The following COL4A6 variants were observed in gnomAD, a reference collection of about 807,000 sequenced individuals.
COL4A6 encodes the protein collagen alpha-6(IV) chain.
In COL4A6, 59 loss-of-function variants were observed where a neutral mutation model predicts 126.7. The observed-to-expected ratio is 0.47, with a 90% CI of 0.38 to 0.58. COL4A6 has a LOEUF of 0.58. COL4A6 is among the 20% of genes least tolerant of loss of function. The probability of loss-of-function intolerance (pLI) is 0.00; values close to 1 mark genes in which losing one functional copy is unlikely to be tolerated. For missense variants in COL4A6, 1,285 were observed against 1,337.3 expected (o/e 0.96, Z 0.61); for synonymous variants, 547 against 496.6 (o/e 1.10, Z -1.35).
In COL4A6 at chrX:108,188,522, C is replaced by G; in HGVS notation, c.1582G>C (p.Ala528Pro). Residue 528 changes from alanine (A) to proline (P), a missense_variant, in exon 21 of 45, where the codon GCT becomes CCT. Coordinates refer to ENST00000334504, the MANE Select transcript of COL4A6 (RefSeq NM_033641.4). Reference protein sequence around the residue: ...GSGGAQGPAGAPGLVGPLGPS... With the variant: ...GSGGAQGPAGPPGLVGPLGPS... ...CAAAGTTTGGCAAGACTTACTGGAG[C>G]CCCTGCTGGGCCCTGTGCACCCCCA... 1.8e-6 allele frequency: 2 copies of G among 1,109,652 alleles called. No homozygotes were observed. Among genetic ancestry groups the G allele is most frequent in the Non-Finnish European group, 2.4e-6 (2 of 845,153 alleles). 91.4% of individuals were successfully genotyped at this position (1,109,652 alleles called of 1,213,427 possible).
At chrX:108,336,491 G>C (rs2039434808) in intron 2 of COL4A6, among the ~76,000 whole-genome samples, 1 of 111,402 alleles carries the variant, frequency 9.0e-6, no homozygotes, top group South Asian at 3.8e-4. Flanking sequence ...AGAGGTTAAT[G>C]AGGAGTAGTT....
intron 2 of COL4A6, among the ~76,000 whole-genome samples, chrX:108,411,135 T>C (rs1020245736): frequency 2.7e-5 from 3 of 112,135 alleles, no homozygotes; most frequent in African/African-American, 9.7e-5. Context: ...ATAAAAAAGA[T>C]AGGATCAGAG....
chrX:108,309,685 G>C lies in COL4A6; in HGVS notation c.144+1063C>G, dbSNP rs1048966889. Among the ~76,000 whole-genome samples, 11 of 110,428 alleles carry C rather than the reference G, an allele frequency of 1.0e-4. No individual in the cohort carries two copies. In the Admixed American group the frequency reaches 1.1e-3, roughly 11 times the overall value. ...TGAAAGTTTGGTTGACCTATTTATA[G>C]TACTACTTTATTTTGACAGTATAAG... On this transcript the variant is annotated intron_variant, in intron 3 of 44. Transcript: ENST00000334504.
chrX:108,251,422 C>T (rs2036848358), intron 3 of COL4A6, among the ~76,000 whole-genome samples: 1 of 111,582 alleles, frequency 9.0e-6, no homozygotes, highest in Non-Finnish European at 1.9e-5. Context: ...CTCTCTCTCT[C>T]ATGTCTCTGC....
chrX:108,356,281 G>A (rs1434927976), intron 2 of COL4A6, among the ~76,000 whole-genome samples: 1 of 109,340 alleles, frequency 9.1e-6, no homozygotes, highest in Non-Finnish European at 1.9e-5. Context: ...GTATACATAT[G>A]TAACTAACCT....
intron 2 of COL4A6, among the ~76,000 whole-genome samples, chrX:108,390,635 T>C (rs1272740221): frequency 9.1e-6 from 1 of 110,124 alleles, no homozygotes; most frequent in Non-Finnish European, 1.9e-5. Flanking sequence ...TTGTCTAACC[T>C]TTTTTCAAGG....
chrX:108,184,067 C>T (rs768682813), intron 23 of COL4A6, among the ~76,000 whole-genome samples: 3 of 112,118 alleles, frequency 2.7e-5, no homozygotes, highest in South Asian at 7.5e-4. Context: ...CTGATGATTG[C>T]ATCCTCTTTC....
chrX:108,259,094 C>T (rs1427910221), intron 3 of COL4A6, among the ~76,000 whole-genome samples: 4 of 111,536 alleles, frequency 3.6e-5, no homozygotes, highest in Non-Finnish European at 7.6e-5. Context: ...TTAACAGAGG[C>T]AAACATCCAG....
At chrX:108,275,289 C>T (rs1179927488) in intron 3 of COL4A6, among the ~76,000 whole-genome samples, 1 of 111,952 alleles carries the variant, frequency 8.9e-6, no homozygotes, top group African/African-American at 3.2e-5. Context: ...AACAGTTTCT[C>T]CATAAGATAC....
intron 2 of COL4A6, among the ~76,000 whole-genome samples, chrX:108,371,453 T>C (rs1354146245): frequency 9.1e-6 from 1 of 109,615 alleles, no homozygotes; most frequent in Non-Finnish European, 1.9e-5. Flanking sequence ...CTTATATATG[T>C]ATTGTAGCTT....
intron 2 of COL4A6, among the ~76,000 whole-genome samples, chrX:108,333,981 C>G (rs956388242): frequency 9.0e-6 from 1 of 111,235 alleles, no homozygotes. Context: ...CCAAAGCAAT[C>G]TACAAATTCA....
chrX:108,163,042 T>G lies in COL4A6; in HGVS notation c.4070-4A>C. The G allele has an allele frequency of 8.4e-7, 1 of 1,187,127 alleles. No individual in the cohort carries two copies. The highest frequency in any genetic ancestry group is 3.1e-5 in the East Asian group (1 of 32,063). ...TCACCTTGGAGGCCAGAAGAGCCTGTGGGCAGGTGGGGGAAATAAGAACAT... is the reference window on the plus strand; with the variant it reads ...TCACCTTGGAGGCCAGAAGAGCCTGGGGGCAGGTGGGGGAAATAAGAACAT... On this transcript the variant is annotated splice_polypyrimidine_tract_variant and splice_region_variant and intron_variant, in intron 40 of 44. Coordinates refer to ENST00000334504, the MANE Select transcript of COL4A6 (RefSeq NM_033641.4).
chrX:108,277,412 C>T (rs1024766928), intron 3 of COL4A6, among the ~76,000 whole-genome samples: 9 of 112,293 alleles, frequency 8.0e-5, no homozygotes, highest in Non-Finnish European at 1.1e-4. Flanking sequence ...GTGATCAAAC[C>T]GCAAGGTGGC....
intron 3 of COL4A6, among the ~76,000 whole-genome samples, chrX:108,264,381 C>T (rs1205362071): frequency 8.9e-6 from 1 of 111,893 alleles, no homozygotes; most frequent in Non-Finnish European, 1.9e-5. Context: ...CTGATGGGAT[C>T]CTCTATGTTC....
chrX:108,320,205 G>T (rs2038992557), intron 2 of COL4A6, among the ~76,000 whole-genome samples: 2 of 111,798 alleles, frequency 1.8e-5, no homozygotes, highest in Admixed American at 1.9e-4. Flanking sequence ...TCAGTTAGGA[G>T]AGCAAGGAGA....
At chrX:108,220,567 T>G (rs1228079713) in intron 4 of COL4A6, among the ~76,000 whole-genome samples, 1 of 112,066 alleles carries the variant, frequency 8.9e-6, no homozygotes, top group African/African-American at 3.2e-5. Flanking sequence ...CCTATATTTG[T>G]GGCCTAGATT....
At chrX:108,278,273 T>A (rs1321213444) in intron 3 of COL4A6, among the ~76,000 whole-genome samples, 1 of 111,594 alleles carries the variant, frequency 9.0e-6, no homozygotes, top group Non-Finnish European at 1.9e-5. Flanking sequence ...ATAACTAGAA[T>A]AATCAATACA....
Position 108,190,403 on chromosome X carries a change from T to C in COL4A6, c.1415A>G (p.Lys472Arg), listed in dbSNP as rs1176265158. 1.7e-6 allele frequency: 2 copies of C among 1,199,953 alleles called. No individual in the cohort carries two copies. The highest frequency in any genetic ancestry group is 3.0e-5 in the East Asian group (1 of 33,758). Residue 472 changes from lysine (K) to arginine (R), a missense_variant, in exon 20 of 45, where the codon AAA becomes AGA. By Grantham distance (26) the Lys-to-Arg change is conservative. Transcript: ENST00000334504. ...EQGPKGNLGL[K>R]GIKGDSGFCA... Reference sequence around the variant, plus strand: ...GGGGACAAAATCACCTTTTATTCCTTTGAGGCCTAGGTTTCCTTTTGGACC... The same window carrying C: ...GGGGACAAAATCACCTTTTATTCCTCTGAGGCCTAGGTTTCCTTTTGGACC...
At chrX:108,247,017 C>T (rs906730884) in intron 3 of COL4A6, among the ~76,000 whole-genome samples, 1 of 111,677 alleles carries the variant, frequency 9.0e-6, no homozygotes. Flanking sequence ...TATTAGAGCA[C>T]TAGTACAATG....
Sources: allele counts gnomAD v4.1 joint callset (sites outside exome capture counted in the v4.1 genomes callset), GRCh38; gene constraint gnomAD v4.1.1; transcripts MANE v1.5; gene names NCBI Gene and HGNC (gene_info 2026-07-23, HGNC 2026-07-21).